The following RGL1 variants were observed in gnomAD, a reference collection of about 807,000 sequenced individuals.
RGL1 encodes ral guanine nucleotide dissociation stimulator-like 1.
Under a neutral mutation model 95.2 loss-of-function variants are expected in RGL1, and 24 were observed. The observed-to-expected ratio is 0.25, with a 90% CI of 0.18 to 0.35. RGL1 has a LOEUF of 0.35. Among genes scored for constraint, RGL1 ranks in the 10% least tolerant of loss-of-function variants. The probability of loss-of-function intolerance (pLI) is 1.00; values close to 1 mark genes in which losing one functional copy is unlikely to be tolerated. For synonymous variants in RGL1, 329 were observed against 344.9 expected (o/e 0.95, Z 0.51); for missense variants, 715 against 936.3 (o/e 0.76, Z 3.08).
chr1:183,728,374 A>T (rs1656429158), intron 1 of RGL1, among the ~76,000 whole-genome samples: 1 of 152,124 alleles, frequency 6.6e-6, no homozygotes, highest in East Asian at 1.9e-4. Context: ...AATTCCATAC[A>T]TATATAGCCA....
chr1:183,885,821 C>A (rs1053823221), intron 7 of RGL1, among the ~76,000 whole-genome samples: 2 of 152,074 alleles, frequency 1.3e-5, no homozygotes, highest in Non-Finnish European at 2.9e-5. Flanking sequence ...GGGAGATAAG[C>A]ACTGTAAAAG....
intron 17 of RGL1, among the ~76,000 whole-genome samples, chr1:183,923,668 C>T (rs2102763618): frequency 6.6e-6 from 1 of 152,304 alleles, no homozygotes; most frequent in Admixed American, 6.5e-5. Context: ...TCATATATCA[C>T]AGGGCGATTC....
chr1:183,857,273 G>A (rs1043764550), intron 3 of RGL1, among the ~76,000 whole-genome samples: 4 of 152,186 alleles, frequency 2.6e-5, no homozygotes, highest in Admixed American at 2.6e-4. Context: ...TAGAAAAGGG[G>A]ATTGAACAGA....
intron 1 of RGL1, among the ~76,000 whole-genome samples, chr1:183,684,855 A>G (rs1179014020): frequency 6.6e-6 from 1 of 152,040 alleles, no homozygotes; most frequent in East Asian, 1.9e-4. Flanking sequence ...TTCCCTGATC[A>G]CTTGTGCTTC....
chr1:183,711,768 G>A (rs1413174660), intron 1 of RGL1, among the ~76,000 whole-genome samples: 1 of 150,832 alleles, frequency 6.6e-6, no homozygotes, highest in African/African-American at 2.4e-5. Flanking sequence ...CATTTACTAT[G>A]TTAACAGAAC....
chr1:183,896,689 C>G (rs568747494), intron 9 of RGL1, among the ~76,000 whole-genome samples: 1 of 152,212 alleles, frequency 6.6e-6, no homozygotes, highest in African/African-American at 2.4e-5. Context: ...TTTACCCCCC[C>G]ATTCATGCAG....
upstream of RGL1, among the ~76,000 whole-genome samples, chr1:183,801,728 A>G (rs760683012): frequency 6.6e-6 from 1 of 152,222 alleles, no homozygotes; most frequent in Non-Finnish European, 1.5e-5. Context: ...CAACATCTGC[A>G]TCTGTTGAGG....
At chr1:183,779,577 A>G (rs1659791408) in intron 2 of RGL1, among the ~76,000 whole-genome samples, 1 of 152,108 alleles carries the variant, frequency 6.6e-6, no homozygotes, top group African/African-American at 2.4e-5. Flanking sequence ...TCTTGAGATC[A>G]AGACGTGCTC....
At chr1:183,739,895 G>GGGTAAGCTGTGGGGTAA (rs1392296080) in intron 1 of RGL1, among the ~76,000 whole-genome samples, 2 of 152,176 alleles carry the variant, frequency 1.3e-5, no homozygotes, top group African/African-American at 2.4e-5. Context: ...AGCAGCTGTG[G>GGGTAAGCTGTGGGGTAA]GCAGACAGTA....
chr1:183,702,726 G>A (rs1429252779), intron 1 of RGL1, among the ~76,000 whole-genome samples: 1 of 152,206 alleles, frequency 6.6e-6, no homozygotes. Context: ...TGGACCAACT[G>A]ACAGGGGATT....
At chr1:183,723,326 A>G (rs1656121890) in intron 1 of RGL1, among the ~76,000 whole-genome samples, 1 of 152,206 alleles carries the variant, frequency 6.6e-6, no homozygotes, top group Non-Finnish European at 1.5e-5. Flanking sequence ...TACCCACATA[A>G]AAAAACACCT....
At chr1:183,913,480 C>T (rs1668785934) in intron 15 of RGL1, among the ~76,000 whole-genome samples, 1 of 152,064 alleles carries the variant, frequency 6.6e-6, no homozygotes, top group Admixed American at 6.6e-5. Context: ...AGCCACCGCA[C>T]CCCACCAATA....
In RGL1 at chr1:183,798,878, CTTT is replaced by C. The variant is rs35765152; in HGVS notation, c.133-7477_133-7475del. ...ATGTAGCCACAGATGGCAGGATTTC[CTTT>C]TTTTTTTTTTTTTTTTTTTGACGGA... On this transcript the variant is annotated intron_variant, in intron 2 of 18. Transcript: ENST00000304685. 9.5e-3 allele frequency among the ~76,000 whole-genome samples: 840 copies of C among 88,166 alleles called. 7 individuals are homozygous for C. The highest frequency in any genetic ancestry group is 0.048 in the East Asian group (162 of 3,352). 57.8% of individuals were successfully genotyped at this position (88,166 alleles called of 152,430 possible).
intron 1 of RGL1, among the ~76,000 whole-genome samples, chr1:183,683,766 A>G (rs1653382054): frequency 6.6e-6 from 1 of 152,172 alleles, no homozygotes; most frequent in Non-Finnish European, 1.5e-5. Context: ...GTGTTTTCCA[A>G]CTTGATTCCA....
At chr1:183,716,044 C>T (rs1357975833) in intron 1 of RGL1, among the ~76,000 whole-genome samples, 3 of 152,194 alleles carry the variant, frequency 2.0e-5, no homozygotes, top group African/African-American at 7.2e-5. Flanking sequence ...GGGCAATCTG[C>T]TTTACTCATT....
intron 11 of RGL1, 74 bp downstream of exon 11, chr1:183,900,310 C>A: frequency 8.3e-7 from 1 of 1,208,882 alleles, no homozygotes; most frequent in South Asian, 1.2e-5. Context: ...GTTAACTTCT[C>A]TTAGTATCTT....
chr1:183,639,880 G>A (rs572586038), intron 1 of RGL1, among the ~76,000 whole-genome samples: 1 of 151,380 alleles, frequency 6.6e-6, no homozygotes, highest in South Asian at 2.1e-4. Flanking sequence ...GTCTCACTCT[G>A]TCGCCAGGCT....
intron 12 of RGL1, among the ~76,000 whole-genome samples, chr1:183,904,628 T>A (rs1294804928): frequency 6.6e-6 from 1 of 152,176 alleles, no homozygotes; most frequent in Admixed American, 6.5e-5. Context: ...AAAAGAGGAT[T>A]AAAAATTAAA....
At chr1:183,765,886 T>C (rs559707024) in intron 2 of RGL1, among the ~76,000 whole-genome samples, 15 of 152,218 alleles carry the variant, frequency 9.9e-5, no homozygotes. Flanking sequence ...AAATCATAAT[T>C]TTTACTAATA....
Sources: gnomAD v4.1 joint callset for allele counts (sites outside exome capture counted in the v4.1 genomes callset) on GRCh38, gnomAD v4.1.1 for gene constraint, MANE v1.5 for transcripts, NCBI Gene and HGNC (gene_info 2026-07-23, HGNC 2026-07-21) for gene names.